Variants in SGTB observed in about 807,000 individuals in gnomAD.
SGTB encodes the protein small glutamine-rich tetratricopeptide repeat-containing protein beta.
SGTB carries 19 observed loss-of-function variants against 43.9 expected under a neutral mutation model. The ratio of observed to expected loss-of-function variants is 0.43; its 90% confidence interval spans 0.30 to 0.63. The LOEUF (loss-of-function observed/expected upper bound fraction) is 0.63, where lower values mean the gene tolerates loss of function less well. SGTB is among the 30% of genes least tolerant of loss of function. The pLI is 0.12. For synonymous variants in SGTB, 116 were observed against 117.3 expected (o/e 0.99, Z 0.07); for missense variants, 304 against 358.9 (o/e 0.85, Z 1.24).
intron 5 of SGTB, among the ~76,000 whole-genome samples, chr5:65,698,809 T>A (rs1757758411): frequency 6.6e-6 from 1 of 152,026 alleles, no homozygotes; most frequent in African/African-American, 2.4e-5. Flanking sequence ...TTCAGGGAAA[T>A]GCAAATTGAA....
At chr5:65,672,089 GT>G in intron 9 of SGTB, 91 bp from the exon 10 acceptor site, 1 of 1,569,984 alleles carries the variant, frequency 6.4e-7, no homozygotes, top group Non-Finnish European at 8.8e-7. Flanking sequence ...AAATACCCAT[GT>G]TATACCAGAG....
At chr5:65,702,866 T>A (rs1757850378) in intron 5 of SGTB, among the ~76,000 whole-genome samples, 1 of 152,184 alleles carries the variant, frequency 6.6e-6, no homozygotes, top group Non-Finnish European at 1.5e-5. Context: ...AAATATAAAT[T>A]AGAACAATAT....
chr5:65,700,983 C>A (rs1202178749), intron 5 of SGTB, among the ~76,000 whole-genome samples: 3 of 128,062 alleles, frequency 2.3e-5, no homozygotes, highest in Non-Finnish European at 4.6e-5. Flanking sequence ...GCACTCCAGC[C>A]TGGGCAACAG....
At chr5:65,684,680 G>A (rs372830788) in intron 6 of SGTB, among the ~76,000 whole-genome samples, 1 of 152,052 alleles carries the variant, frequency 6.6e-6, no homozygotes, top group East Asian at 1.9e-4. Flanking sequence ...AGCCTCCTGA[G>A]TAGCTGGGTC....
chr5:65,710,972 C>T (rs528323115), intron 3 of SGTB, among the ~76,000 whole-genome samples: 60 of 140,292 alleles, frequency 4.3e-4, no homozygotes, highest in African/African-American at 1.4e-3. Context: ...TTCTAGCCTG[C>T]GCAACAGGAC....
intron 2 of SGTB, 82 bp downstream of exon 2, chr5:65,720,626 T>C: frequency 6.7e-7 from 1 of 1,503,184 alleles, no homozygotes; most frequent in South Asian, 1.3e-5. Flanking sequence ...TATGTTACAA[T>C]AGATCATCAA....
intron 6 of SGTB, among the ~76,000 whole-genome samples, chr5:65,681,057 T>C (rs1757387066): frequency 6.6e-6 from 1 of 152,174 alleles, no homozygotes; most frequent in African/African-American, 2.4e-5. Flanking sequence ...TTACTTACTC[T>C]ACCATTTTTA....
At position 65,667,875 on chromosome 5, in the gene SGTB, T is replaced by C. The variant is rs987561842; in HGVS notation, c.*2371A>G. On this transcript the variant is annotated 3_prime_UTR_variant, in exon 11 of 11. Transcript: ENST00000381007. Reference sequence around the variant, plus strand: ...CAATGAAGTTATAGAACTACTGTTCTAATGTCACAAAGGAGAAAGAGAAAA... The same window carrying C: ...CAATGAAGTTATAGAACTACTGTTCCAATGTCACAAAGGAGAAAGAGAAAA... 1.3e-5 allele frequency: 2 copies of C among 152,146 alleles called. No homozygotes were observed. Among genetic ancestry groups the C allele is most frequent in the African/African-American group, 4.8e-5 (2 of 41,426 alleles). The allele number at this position is 152,146 out of a possible 1,614,324, so 9.4% of individuals were successfully genotyped here.
chr5:65,693,730 G>C (rs1387790288), intron 5 of SGTB, among the ~76,000 whole-genome samples: 3 of 152,106 alleles, frequency 2.0e-5, no homozygotes, highest in African/African-American at 7.2e-5. Context: ...AAGATGAAGA[G>C]AATATCTCCC....
chr5:65,712,917 T>C (rs1440902525), intron 3 of SGTB, 44 bp downstream of exon 3: 3 of 1,453,382 alleles, frequency 2.1e-6, no homozygotes, highest in South Asian at 1.2e-5. Flanking sequence ...TAACATAAAA[T>C]TGTAGTCATA....
chr5:65,707,395 TACACACACACACACACAC>T (rs35011866), intron 4 of SGTB, among the ~76,000 whole-genome samples: 5 of 133,656 alleles, frequency 3.7e-5, no homozygotes, highest in Admixed American at 1.5e-4. Flanking sequence ...GCTGATTTTA[TACACACACACACACACAC>T]ACACACACAC....
At chr5:65,692,119 TC>T (rs1757626096) in intron 5 of SGTB, among the ~76,000 whole-genome samples, 2 of 151,952 alleles carry the variant, frequency 1.3e-5, no homozygotes, top group Non-Finnish European at 2.9e-5. Context: ...CAAAAAAGCT[TC>T]AGTGAGGAAG....
Position 65,672,040 on chromosome 5 carries a change from T to G in SGTB, c.720-42A>C, listed in dbSNP as rs750129931. On this transcript the variant is annotated intron_variant, in intron 9 of 10. Coordinates refer to ENST00000381007, the MANE Select transcript of SGTB (RefSeq NM_019072.3). ...ATACATCACTGGGATTGGTATATATTCTTAACAAATAGGACAACTGGACGA... is the reference window on the plus strand; with the variant it reads ...ATACATCACTGGGATTGGTATATATGCTTAACAAATAGGACAACTGGACGA... The G allele has an allele frequency of 2.5e-6, 4 of 1,606,016 alleles. No homozygotes were observed. The East Asian group carries it at 8.9e-5, about 36-fold the overall frequency.
intron 10 of SGTB, among the ~76,000 whole-genome samples, chr5:65,671,649 G>T (rs1177694129): frequency 7.9e-5 from 3 of 37,890 alleles, no homozygotes; most frequent in African/African-American, 3.0e-4. Context: ...GGGGGCGGGG[G>T]TGGGGGTGGG....
intron 4 of SGTB, 111 bp from the exon 5 acceptor site, chr5:65,704,489 T>A (rs554875121): frequency 6.4e-6 from 5 of 785,330 alleles, no homozygotes; most frequent in East Asian, 3.2e-5. Flanking sequence ...GTCGGCCTCA[T>A]GATTTTTCAG....
chr5:65,704,154 TCTTC>T, intron 5 of SGTB, 121 bp downstream of exon 5: 1 of 598,042 alleles, frequency 1.7e-6, no homozygotes, highest in South Asian at 3.8e-5. Flanking sequence ...GTTTATTTTT[TCTTC>T]CTTCTTTATA....
chr5:65,718,052 G>C (rs1579890755), intron 2 of SGTB, among the ~76,000 whole-genome samples: 1 of 152,168 alleles, frequency 6.6e-6, no homozygotes, highest in South Asian at 2.1e-4. Flanking sequence ...AGCTGGAGTA[G>C]GGATTCTAGA....
chr5:65,676,931 A>T (rs1198749093), intron 8 of SGTB, among the ~76,000 whole-genome samples: 1 of 152,020 alleles, frequency 6.6e-6, no homozygotes. Context: ...AAACAAGAGC[A>T]AACAAACCCC....
At chr5:65,709,327 A>G (rs1052681010) in intron 3 of SGTB, among the ~76,000 whole-genome samples, 1 of 152,084 alleles carries the variant, frequency 6.6e-6, no homozygotes, top group Non-Finnish European at 1.5e-5. Flanking sequence ...AACAGCCTGG[A>G]AAGATGTGTA....
Sources: allele counts gnomAD v4.1 joint callset (sites outside exome capture counted in the v4.1 genomes callset), GRCh38; gene constraint gnomAD v4.1.1; transcripts MANE v1.5; gene names NCBI Gene and HGNC (gene_info 2026-07-23, HGNC 2026-07-21).